Variants in MDN1 observed in about 807,000 individuals in gnomAD.
The protein encoded by MDN1 is midasin AAA ATPase 1, also known as midasin.
In MDN1, 266 loss-of-function variants were observed where a neutral mutation model predicts 669.2. That is an observed-to-expected ratio of 0.40 (90% confidence interval 0.36 to 0.44). The LOEUF (loss-of-function observed/expected upper bound fraction) is 0.44. Ranked by LOEUF, MDN1 falls within the 20% of genes least tolerant of loss-of-function variation. The pLI is 1.00. For synonymous variants in MDN1, 2,385 were observed against 2,457.1 expected, an observed-to-expected ratio of 0.97 and a Z score of 0.87; for missense variants, 5,940 against 6,754.0, an observed-to-expected ratio of 0.88 and a Z score of 4.22.
At chr6:89,751,620 G>C (rs1274168512) in intron 22 of MDN1, 38 bp from the exon 23 acceptor site, 3 of 1,592,370 alleles carry the variant, frequency 1.9e-6, no homozygotes, top group Non-Finnish European at 2.6e-6. Context: ...ACCCACAGTT[G>C]TACATTCTTT....
At chr6:89,748,890 T>C (rs866081033) in intron 26 of MDN1, among the ~76,000 whole-genome samples, 8 of 114,792 alleles carry the variant, frequency 7.0e-5, no homozygotes, top group Middle Eastern at 4.5e-3. Context: ...CGAAACCTTG[T>C]CTCTACAAAA....
At chr6:89,723,676 G>A in intron 38 of MDN1, 57 bp from the exon 39 acceptor site, 1 of 971,494 alleles carries the variant, frequency 1.0e-6, no homozygotes, top group East Asian at 2.8e-5. Flanking sequence ...CCAAACACTA[G>A]AAATGACTAC....
intron 33 of MDN1, among the ~76,000 whole-genome samples, chr6:89,733,755 T>G (rs1026291891): frequency 6.6e-6 from 1 of 151,690 alleles, no homozygotes; most frequent in South Asian, 2.1e-4. Context: ...AGTACTTAGA[T>G]CTACACTTCA....
intron 1 of MDN1, among the ~76,000 whole-genome samples, chr6:89,805,436 G>C (rs1767953303): frequency 6.6e-6 from 1 of 152,168 alleles, no homozygotes; most frequent in African/African-American, 2.4e-5. Context: ...CAGCTCCTCA[G>C]GTGGCTGAAG....
At chr6:89,646,721 C>T (rs2128297406) in intron 99 of MDN1, 118 bp from the exon 100 acceptor site, 2 of 813,344 alleles carry the variant, frequency 2.5e-6, no homozygotes, top group Non-Finnish European at 4.1e-6. Flanking sequence ...CTCAGGTTTA[C>T]AGACCATCAA....
In MDN1 at chr6:89,789,783, G is replaced by T; in HGVS notation, c.1227C>A (p.Asp409Glu). ...TGAATTTCCTGAGATGACATACCAC[G>T]TCTAAGGGGGCATAGTCAATATCCT... Reference protein sequence around the residue: ...LLEDIDYAPLDVVSVLIPLLE... With the variant: ...LLEDIDYAPLEVVSVLIPLLE... The change falls in exon 7 of 102, where the codon GAC (aspartate) becomes GAA (glutamate). Residue 409 changes from aspartate (D) to glutamate (E), a missense_variant. By Grantham distance (45) the Asp-to-Glu change is conservative. Coordinates refer to ENST00000369393, the MANE Select transcript of MDN1 (RefSeq NM_014611.3). 1 of 1,606,722 alleles carries T rather than the reference G, an allele frequency of 6.2e-7. No individual in the cohort carries two copies. Among genetic ancestry groups the T allele is most frequent in the Non-Finnish European group, 8.5e-7 (1 of 1,177,130 alleles).
rs778458031 is a variant in MDN1, at chr6:89,768,821, C to G, written c.2144+2740G>C. On this transcript the variant is annotated intron_variant, in intron 15 of 101. Coordinates refer to ENST00000369393, the MANE Select transcript of MDN1 (RefSeq NM_014611.3). ...CTATAATCCCAGCACTTTGGGAGGC[C>G]CAGGCGGGAAGATTCCTTGAGTTCA... is the stretch of plus-strand genomic sequence containing the variant. Among the ~76,000 whole-genome samples the G allele has an allele frequency of 8.4e-4, 128 of 151,956 alleles. 2 individuals carry two copies. The highest frequency in any genetic ancestry group is 1.5e-3 in the Non-Finnish European group (99 of 67,992).
intron 11 of MDN1, among the ~76,000 whole-genome samples, chr6:89,778,937 A>ATAG (rs1818498148): frequency 2.0e-5 from 3 of 149,204 alleles, no homozygotes; most frequent in African/African-American, 7.4e-5. Flanking sequence ...TAAATAAAAA[A>ATAG]AAAGGTATAG....
chr6:89,653,298 G>T, intron 93 of MDN1, 143 bp from the exon 94 acceptor site: 1 of 824,388 alleles, frequency 1.2e-6, no homozygotes, highest in Non-Finnish European at 1.8e-6. Context: ...GATTTCAGAG[G>T]TTCTTTCTCT....
chr6:89,662,234 A>G lies in MDN1; in HGVS notation c.14418T>C (p.Asp4806=), dbSNP rs1809837375. The change falls in exon 87 of 102, where the codon GAT becomes GAC. Residue 4806 remains aspartate, a synonymous_variant. Transcript: ENST00000369393. Reference sequence around the variant, plus strand: ...TGTCATCTTTAGCAACAAGTTCAGAATCTTCCTAAATGTCAGAGGAAGAAA... The same window carrying G: ...TGTCATCTTTAGCAACAAGTTCAGAGTCTTCCTAAATGTCAGAGGAAGAAA... ...EETGPGMDEE[D]SELVAKDDNL... 2.5e-6 allele frequency: 4 copies of G among 1,608,292 alleles called. No individual in the cohort carries two copies. The highest frequency in any genetic ancestry group is 3.4e-6 in the Non-Finnish European group (4 of 1,178,666).
At chr6:89,777,925 T>G (rs575540157) in intron 11 of MDN1, among the ~76,000 whole-genome samples, 1 of 152,284 alleles carries the variant, frequency 6.6e-6, no homozygotes, top group South Asian at 2.1e-4. Flanking sequence ...AACAATTCCA[T>G]TTCCCATATG....
intron 47 of MDN1, 148 bp from the exon 48 acceptor site, chr6:89,712,934 T>C: frequency 1.2e-6 from 1 of 852,926 alleles, no homozygotes; most frequent in Non-Finnish European, 1.8e-6. Context: ...ATTCTACTTT[T>C]CCTGATGACA....
intron 26 of MDN1, among the ~76,000 whole-genome samples, chr6:89,748,774 T>C (rs1476790637): frequency 1.3e-5 from 2 of 151,922 alleles, no homozygotes; most frequent in South Asian, 2.1e-4. Context: ...GACCTCTACT[T>C]GAAGGCCAAG....
rs766247046 is a variant in MDN1, at chr6:89,648,349, T to C, written c.16207-20A>G. On this transcript the variant is annotated intron_variant, in intron 97 of 101. Coordinates refer to ENST00000369393, the MANE Select transcript of MDN1 (RefSeq NM_014611.3). Reference sequence around the variant, plus strand: ...TGCAAGCTGTGAATTAGAAAGTTAATGATTTTAGGAATCAGAATATCCTCT... The same window carrying C: ...TGCAAGCTGTGAATTAGAAAGTTAACGATTTTAGGAATCAGAATATCCTCT... The C allele has an allele frequency of 6.2e-7, 1 of 1,609,378 alleles. No individual in the cohort carries two copies. Among genetic ancestry groups the C allele is most frequent in the Non-Finnish European group, 8.5e-7 (1 of 1,175,678 alleles).
chr6:89,643,931 A>G lies in MDN1; in HGVS notation c.*74T>C, dbSNP rs1167334779. Reference sequence around the variant, plus strand: ...ACAATAAAATTTTTTGTAGTTGTCCAAAAGGGAGCACCTGGGTAAGCAATG... The same window carrying G: ...ACAATAAAATTTTTTGTAGTTGTCCGAAAGGGAGCACCTGGGTAAGCAATG... On this transcript the variant is annotated 3_prime_UTR_variant, in exon 102 of 102. Coordinates refer to ENST00000369393, the MANE Select transcript of MDN1 (RefSeq NM_014611.3). 1 of 1,315,490 alleles carries G rather than the reference A, an allele frequency of 7.6e-7. No homozygotes were observed. Among genetic ancestry groups the G allele is most frequent in the Non-Finnish European group, 1.0e-6 (1 of 974,646 alleles). 81.5% of individuals were successfully genotyped at this position (1,315,490 alleles called of 1,614,324 possible). A position where few individuals can be genotyped will look rare whatever the true frequency, so the allele number is the denominator to read the frequency against.
chr6:89,686,858 C>A (rs755532128), intron 69 of MDN1, 44 bp downstream of exon 69: 1 of 1,606,832 alleles, frequency 6.2e-7, no homozygotes, highest in African/African-American at 1.3e-5. Flanking sequence ...CTCCATTTAG[C>A]CGGGAAGCTC....
intron 57 of MDN1, 26 bp downstream of exon 57, chr6:89,700,037 G>T: frequency 6.2e-7 from 1 of 1,604,336 alleles, no homozygotes; most frequent in Non-Finnish European, 8.5e-7. Context: ...GTTCCCGCAA[G>T]GAAAACAACT....
intron 53 of MDN1, among the ~76,000 whole-genome samples, chr6:89,704,113 G>C (rs1813364881): frequency 6.6e-6 from 1 of 152,084 alleles, no homozygotes; most frequent in African/African-American, 2.4e-5. Context: ...AGGAACAGTG[G>C]CTCATGCCTG....
chr6:89,767,966 G>A (rs193259719), intron 15 of MDN1, among the ~76,000 whole-genome samples: 6 of 151,880 alleles, frequency 4.0e-5, no homozygotes, highest in East Asian at 1.9e-4. Flanking sequence ...AGCTTGAGCC[G>A]GGGAGGTCAA....
Sources: gnomAD v4.1 joint callset for allele counts (sites outside exome capture counted in the v4.1 genomes callset) on GRCh38, gnomAD v4.1.1 for gene constraint, MANE v1.5 for transcripts, NCBI Gene and HGNC (gene_info 2026-07-23, HGNC 2026-07-21) for gene names.